The following ADAM12 variants were observed in gnomAD, a reference collection of about 807,000 sequenced individuals.
ADAM12 encodes the protein ADAM metallopeptidase domain 12.
A neutral mutation model predicts 106.4 loss-of-function variants in ADAM12; 70 were observed. The ratio of observed to expected loss-of-function variants is 0.66; its 90% CI spans 0.54 to 0.80. ADAM12 has a LOEUF of 0.80. Among genes scored for constraint, ADAM12 ranks in the 30% least tolerant of loss-of-function variants. The pLI is 0.00. For synonymous variants in ADAM12, 420 were observed against 433.5 expected, an observed-to-expected ratio of 0.97 and a Z score of 0.39; for missense variants, 1,010 against 1,171.9, an observed-to-expected ratio of 0.86 and a Z score of 2.02.
At chr10:126,024,247 A>T (rs1015103023) in intron 21 of ADAM12, among the ~76,000 whole-genome samples, 2 of 152,214 alleles carry the variant, frequency 1.3e-5, no homozygotes, top group African/African-American at 2.4e-5. Flanking sequence ...CAGTGCTTGT[A>T]TCTGGAGGGA....
intron 3 of ADAM12, among the ~76,000 whole-genome samples, chr10:126,158,121 T>C (rs1204591200): frequency 6.6e-6 from 1 of 151,914 alleles, no homozygotes. Context: ...GGGGAATAAC[T>C]GGAGGGATGG....
intron 19 of ADAM12, 23 bp from the exon 20 acceptor site, chr10:126,038,372 C>T: frequency 6.5e-7 from 1 of 1,529,902 alleles, no homozygotes; most frequent in Non-Finnish European, 8.8e-7. Context: ...CCCATACCTG[C>T]TGACCAAGCG....
At chr10:126,229,051 A>G (rs1163364858) in intron 3 of ADAM12, among the ~76,000 whole-genome samples, 3 of 152,216 alleles carry the variant, frequency 2.0e-5, no homozygotes, top group Admixed American at 1.3e-4. Context: ...AACAAAAGAG[A>G]AAAACCTGAG....
rs1430890696 is a variant in ADAM12 at position 126,118,347 on chromosome 10, G to C, written c.417-123C>G. The C allele has an allele frequency of 5.7e-6, 4 of 707,530 alleles. No individual in the cohort carries two copies. In the African/African-American group the frequency reaches 7.1e-5, roughly 13 times the overall value. 43.8% of individuals were successfully genotyped at this position (707,530 alleles called of 1,614,324 possible). ...AAACACCAATTTACTTATATTCTCA[G>C]ATTTTGATTGGAAAGGACGTTTCTG... On this transcript the variant is annotated intron_variant, in intron 5 of 22. Transcript: ENST00000448723.
At chr10:126,204,988 CG>C (rs1957770204) in intron 3 of ADAM12, among the ~76,000 whole-genome samples, 1 of 152,154 alleles carries the variant, frequency 6.6e-6, no homozygotes, top group African/African-American at 2.4e-5. Flanking sequence ...TGGATTGGCT[CG>C]GGGCTAGGCA....
At position 126,178,312 on chromosome 10, in the gene ADAM12, T is replaced by C. The variant is rs1957254554; in HGVS notation, c.261-23007A>G. On this transcript the variant is annotated intron_variant, in intron 3 of 22. Coordinates refer to ENST00000448723, the MANE Select transcript of ADAM12 (RefSeq NM_001288973.2). ...CAAGTCACATTTTTTATAAAGAGAA[T>C]TTTGCACCTTAAACTCAAATTAATA... Among the ~76,000 whole-genome samples the C allele has an allele frequency of 2.6e-5, 4 of 152,006 alleles. 1 individual carries two copies. The South Asian group carries it at 8.3e-4, about 32-fold the overall frequency.
At chr10:126,270,295 A>C (rs772240135) in intron 3 of ADAM12, among the ~76,000 whole-genome samples, 7 of 152,166 alleles carry the variant, frequency 4.6e-5, no homozygotes, top group Non-Finnish European at 7.3e-5. Flanking sequence ...CAAGCTGAAG[A>C]GGTGTGGTCA....
At chr10:126,289,016 C>G (rs951048025) in intron 2 of ADAM12, among the ~76,000 whole-genome samples, 1 of 149,934 alleles carries the variant, frequency 6.7e-6, no homozygotes. Context: ...GACATGGTGA[C>G]CCAGGAATAA....
At position 126,017,308 on chromosome 10, in the gene ADAM12, T is replaced by C. The variant is rs1301263827; in HGVS notation, c.2692A>G (p.Arg898Gly). The C allele has an allele frequency of 6.3e-7, 1 of 1,593,016 alleles. No homozygotes were observed. The highest frequency in any genetic ancestry group is 8.6e-7 in the Non-Finnish European group (1 of 1,168,838). ...PAPQYPHQVP[R>G]STHTAYIK is the part of the protein sequence containing the mutation. ...TTAATATAGGCGGTGTGGGTGGATC[T>C]GGGCACTTGGTGTGGATATTGTGGA... is the stretch of plus-strand genomic sequence containing the variant. Residue 898 changes from arginine (R) to glycine (G), a missense_variant, in exon 23 of 23, where the codon AGA becomes GGA. Arg to Gly is a moderately radical substitution (Grantham distance 125). This residue lies in a region of ADAM12 where 615 missense variants were observed against 708.5 expected (regional missense o/e 0.87). Coordinates refer to ENST00000448723, the MANE Select transcript of ADAM12 (RefSeq NM_001288973.2).
intron 14 of ADAM12, among the ~76,000 whole-genome samples, chr10:126,063,590 A>G (rs1954804014): frequency 6.6e-6 from 1 of 152,118 alleles, no homozygotes; most frequent in South Asian, 2.1e-4. Context: ...GGCCGACCAC[A>G]AGAGGCCTTG....
chr10:126,244,766 G>A (rs989468171), intron 3 of ADAM12, among the ~76,000 whole-genome samples: 27 of 152,176 alleles, frequency 1.8e-4, no homozygotes, highest in African/African-American at 5.5e-4. Flanking sequence ...GAGATGTAAA[G>A]TTGTATGGAA....
At chr10:126,231,183 A>C (rs538843072) in intron 3 of ADAM12, among the ~76,000 whole-genome samples, 1 of 152,152 alleles carries the variant, frequency 6.6e-6, no homozygotes, top group Admixed American at 6.5e-5. Flanking sequence ...GATTTCTTCA[A>C]TCTACTAGAG....
chr10:126,163,129 C>T (rs1387434248), intron 3 of ADAM12, among the ~76,000 whole-genome samples: 1 of 152,136 alleles, frequency 6.6e-6, no homozygotes, highest in Non-Finnish European at 1.5e-5. Context: ...GAGCAGATGC[C>T]GATGCTATGC....
chr10:126,192,395 C>G lies in ADAM12; in HGVS notation c.261-37090G>C, dbSNP rs926372381. 3.2e-4 allele frequency among the ~76,000 whole-genome samples: 49 copies of G among 152,184 alleles called. 1 individual carries two copies. Among genetic ancestry groups the G allele is most frequent in the Admixed American group, 2.1e-3 (32 of 15,278 alleles). ...CCCTGTCTGCTGGAGGCACCCCTGT[C>G]CTGAGTGCAAAGGGACACAGGGACA... On this transcript the variant is annotated intron_variant, in intron 3 of 22. Coordinates refer to ENST00000448723, the MANE Select transcript of ADAM12 (RefSeq NM_001288973.2).
chr10:126,087,082 G>C lies in ADAM12; in HGVS notation c.1145+6903C>G, dbSNP rs114439155. On this transcript the variant is annotated intron_variant, in intron 11 of 22. Coordinates refer to ENST00000448723, the MANE Select transcript of ADAM12 (RefSeq NM_001288973.2). ...GTTCATCGATGAAACAGGACACCAT[G>C]AATGCAGTCCTTCAGGGTCAATATC... Among the ~76,000 whole-genome samples the C allele has an allele frequency of 9.2e-3, 1,401 of 152,048 alleles. 32 individuals are homozygous for C. Among genetic ancestry groups the C allele is most frequent in the African/African-American group, 0.032 (1,312 of 41,464 alleles).
chr10:126,244,420 G>A (rs1565163296), intron 3 of ADAM12, among the ~76,000 whole-genome samples: 1 of 151,890 alleles, frequency 6.6e-6, no homozygotes. Context: ...TGGAGCAGCA[G>A]AGAAGGGAGG....
At chr10:126,091,288 G>A (rs1003567728) in intron 11 of ADAM12, among the ~76,000 whole-genome samples, 1 of 152,200 alleles carries the variant, frequency 6.6e-6, no homozygotes, top group Non-Finnish European at 1.5e-5. Flanking sequence ...ACACTATGAG[G>A]TAAGAGAACC....
intron 3 of ADAM12, among the ~76,000 whole-genome samples, chr10:126,251,650 G>A (rs1958761821): frequency 6.6e-6 from 1 of 152,084 alleles, no homozygotes; most frequent in Non-Finnish European, 1.5e-5. Context: ...GGGATGGATG[G>A]GATGGATAGG....
At chr10:126,149,566 G>T (rs185603090) in intron 4 of ADAM12, among the ~76,000 whole-genome samples, 1 of 152,148 alleles carries the variant, frequency 6.6e-6, no homozygotes, top group Non-Finnish European at 1.5e-5. Context: ...AGGCCCACCC[G>T]TCCTCAATCT....
Sources: allele counts gnomAD v4.1 joint callset (sites outside exome capture counted in the v4.1 genomes callset), GRCh38; gene constraint gnomAD v4.1.1; regional missense constraint gnomAD v4.1.1; transcripts MANE v1.5; gene names NCBI Gene and HGNC (gene_info 2026-07-23, HGNC 2026-07-21).